The following RNF213 variants were observed in gnomAD, a reference collection of about 807,000 sequenced individuals.
The protein encoded by RNF213 is ring finger protein 213.
A neutral mutation model predicts 514.4 loss-of-function variants in RNF213; 341 were observed. That is an observed-to-expected ratio of 0.66 (90% CI 0.61 to 0.73). The LOEUF (loss-of-function observed/expected upper bound fraction) is 0.73, where lower values mean the gene tolerates loss of function less well. Among genes scored for constraint, RNF213 ranks in the 30% least tolerant of loss-of-function variants. The pLI is 0.00. For missense variants in RNF213, 5,767 were observed against 6,615.6 expected, an observed-to-expected ratio of 0.87 and a Z score of 4.45; for synonymous variants, 2,655 against 2,658.2, an observed-to-expected ratio of 1.00 and a Z score of 0.04.
intron 58 of RNF213, among the ~76,000 whole-genome samples, chr17:80,383,312 G>C (rs188772617): frequency 2.0e-5 from 3 of 152,328 alleles, no homozygotes; most frequent in Admixed American, 2.0e-4. Context: ...TCCAGCAAGT[G>C]CAGGCAGTGT....
chr17:80,308,346 A>G (rs1195182291), intron 13 of RNF213, among the ~76,000 whole-genome samples: 1 of 151,446 alleles, frequency 6.6e-6, no homozygotes, highest in Non-Finnish European at 1.5e-5. Flanking sequence ...CCGCCTTCCC[A>G]GTCCCCTCCA....
chr17:80,292,068 A>G, intron 8 of RNF213: 1 of 585,712 alleles, frequency 1.7e-6, no homozygotes, highest in Admixed American at 2.9e-5. Flanking sequence ...ACTCACTTGC[A>G]GGAGGAAACA....
rs754185720 is a variant in RNF213, at chr17:80,363,287, G to C, written c.11541G>C (p.Trp3847Cys). Residue 3847 changes from tryptophan to cysteine, a missense_variant, in exon 40 of 68, where the codon TGG becomes TGC. Around this residue, in one of 13 missense-constraint regions of RNF213, gnomAD observed 355 missense variants for 358.0 expected, o/e 0.99. Coordinates refer to ENST00000582970, the MANE Select transcript of RNF213 (RefSeq NM_001256071.3). ...QVLHSLMEAR[W>C]NHELAGCEMT... ...TCCACAGCCTGATGGAAGCCCGTTGGAACCATGAGCTGGCTGGATGTGAGA... is the reference window on the plus strand; with the variant it reads ...TCCACAGCCTGATGGAAGCCCGTTGCAACCATGAGCTGGCTGGATGTGAGA... 9.3e-6 allele frequency: 15 copies of C among 1,613,936 alleles called. No homozygotes were observed. The Admixed American group carries it at 2.5e-4, about 27-fold the overall frequency.
rs1337491430 is a variant in RNF213, at chr17:80,264,190, C to T, written c.97+412C>T. On this transcript the variant is annotated intron_variant, in intron 2 of 67. Transcript: ENST00000582970. This position sits in a 1 kb window ranked among gnomAD's most constrained non-coding sequence, Gnocchi z 5.0. ...TAGAGAGAGCTCACGGTTTTTCTTCCCCTTGGGAATGAGAAGTGTCGGGCT... is the reference window on the plus strand; with the variant it reads ...TAGAGAGAGCTCACGGTTTTTCTTCTCCTTGGGAATGAGAAGTGTCGGGCT... 6.6e-6 allele frequency among the ~76,000 whole-genome samples: 1 copy of T among 152,104 alleles called. No homozygotes were observed. Among genetic ancestry groups the T allele is most frequent in the East Asian group, 1.9e-4 (1 of 5,182 alleles).
In RNF213 at chr17:80,395,061, G is replaced by T. The variant is rs1024836805; in HGVS notation, c.*1563G>T. On this transcript the variant is annotated 3_prime_UTR_variant, in exon 68 of 68. Transcript: ENST00000582970. ...ACTCACTGGCCACACCTCAGCAGGG[G>T]GGGAGTCGAGTGTCAGTCTCTTTCT... The T allele has an allele frequency of 6.6e-6, 1 of 152,158 alleles. No individual in the cohort carries two copies. The highest frequency in any genetic ancestry group is 2.4e-5 in the African/African-American group (1 of 41,426). The allele number at this position is 152,158 out of a possible 1,614,324, so 9.4% of individuals were successfully genotyped here. A position where few individuals can be genotyped will look rare whatever the true frequency, so the allele number is the denominator to read the frequency against.
intron 17 of RNF213, among the ~76,000 whole-genome samples, chr17:80,323,263 G>A (rs1599023549): frequency 1.3e-5 from 2 of 152,328 alleles, no homozygotes; most frequent in South Asian, 4.1e-4. Flanking sequence ...CCTTGTGTCA[G>A]TACCACACTG....
chr17:80,362,034 G>A (rs2144377773), intron 39 of RNF213, 146 bp downstream of exon 39: 2 of 912,106 alleles, frequency 2.2e-6, no homozygotes, highest in East Asian at 2.9e-5. Context: ...GTGCCGGTGG[G>A]TGAAGGGGTC....
At position 80,381,380 on chromosome 17, in the gene RNF213, G is replaced by A. The variant is rs566713769; in HGVS notation, c.13798-167G>A. 368 of 742,536 alleles carry A rather than the reference G, an allele frequency of 5.0e-4. 1 individual carries two copies. In the African/African-American group the frequency reaches 5.5e-3, roughly 11 times the overall value. The allele number at this position is 742,536 out of a possible 1,614,324, so 46.0% of individuals were successfully genotyped here. On this transcript the variant is annotated intron_variant, in intron 56 of 67. Coordinates refer to ENST00000582970, the MANE Select transcript of RNF213 (RefSeq NM_001256071.3). The stretch of plus-strand genomic sequence containing the variant: ...TGTAACAACAGAAAAGCCAGCAGCC[G>A]TTCCGCTTGCTAGCCTTCCTTTCAC...
intron 28 of RNF213, 135 bp from the exon 29 acceptor site, chr17:80,344,543 A>G (rs1286736520): frequency 1.4e-5 from 14 of 972,490 alleles, no homozygotes; most frequent in Middle Eastern, 2.6e-4. Context: ...AAAAAAGACT[A>G]TACAGAAAGC....
In RNF213 at chr17:80,288,382, A is replaced by G. The variant is rs772250172; in HGVS notation, c.810+19A>G. ...CTCTATGGTGAGTCATCCGGGAGAG[A>G]TGGCCTGGGAGTGGCACTGAGCCCT... On this transcript the variant is annotated intron_variant, in intron 4 of 67. Transcript: ENST00000582970. The surrounding 1 kb of genome is among the most constrained non-coding windows in gnomAD (Gnocchi z 4.9). 1.2e-6 allele frequency: 2 copies of G among 1,610,618 alleles called. No individual in the cohort carries two copies. The highest frequency in any genetic ancestry group is 4.5e-5 in the East Asian group (2 of 44,830).
chr17:80,384,328 A>G (rs1456659233), intron 59 of RNF213, among the ~76,000 whole-genome samples: 5 of 152,214 alleles, frequency 3.3e-5, no homozygotes, highest in African/African-American at 4.8e-5. Context: ...ATCGAGGCGT[A>G]CGTGGAAGAC....
chr17:80,334,666 G>A (rs1021802445), intron 22 of RNF213, among the ~76,000 whole-genome samples: 9 of 150,600 alleles, frequency 6.0e-5, no homozygotes, highest in African/African-American at 1.5e-4. Context: ...TCGCTCTGTC[G>A]CCCAGGCTGG....
chr17:80,319,293 C>A lies in RNF213; in HGVS notation c.3005C>A (p.Ala1002Asp). 1 of 1,614,174 alleles carries A rather than the reference C, an allele frequency of 6.2e-7. No individual in the cohort carries two copies. The highest frequency in any genetic ancestry group is 2.2e-5 in the East Asian group (1 of 44,888). ...ACCTTCGAGAAATGCATCATTGAAG[C>A]CGTGAGCTCAGCCTGCCAGGTGAAC... ...AKTFEKCIIE[A>D]VSSACQSQTS... Residue 1002 changes from alanine (A) to aspartate (D), a missense_variant, in exon 17 of 68, where the codon GCC becomes GAC. Around this residue, in one of 13 missense-constraint regions of RNF213, gnomAD observed 516 missense variants for 566.5 expected, o/e 0.91. Transcript: ENST00000582970.
intron 44 of RNF213, 133 bp downstream of exon 44, chr17:80,368,276 G>C (rs2079361356): frequency 2.2e-6 from 2 of 929,366 alleles, no homozygotes; most frequent in Admixed American, 1.8e-5. Flanking sequence ...TATCATAAGA[G>C]ACGCCACTTA....
At chr17:80,293,752 G>A (rs760777735) in intron 8 of RNF213, among the ~76,000 whole-genome samples, 2 of 152,074 alleles carry the variant, frequency 1.3e-5, no homozygotes, top group Admixed American at 6.5e-5. Context: ...GCGTGAACCC[G>A]GGAGGCGGAG....
At position 80,305,184 on chromosome 17, in the gene RNF213, C is replaced by CTTTTTTTTTT. The variant is rs71163950; in HGVS notation, c.2211-1064_2211-1055dup. On this transcript the variant is annotated intron_variant, in intron 11 of 67. Coordinates refer to ENST00000582970, the MANE Select transcript of RNF213 (RefSeq NM_001256071.3). ...ATGAGCCACTGCACCCAGCAGTGAA[C>CTTTTTTTTTT]TTTTTTTTTTTTTGAGACAGTTTTG... is the stretch of plus-strand genomic sequence containing the variant. Among the ~76,000 whole-genome samples, 620 of 127,408 alleles carry CTTTTTTTTTT rather than the reference C, an allele frequency of 4.9e-3. 23 individuals are homozygous for CTTTTTTTTTT. Among genetic ancestry groups the CTTTTTTTTTT allele is most frequent in the African/African-American group, 0.019 (541 of 28,716 alleles). The allele number at this position is 127,408 out of a possible 152,430, so 83.6% of individuals were successfully genotyped here. A position where few individuals can be genotyped will look rare whatever the true frequency, so the allele number is the denominator to read the frequency against.
In RNF213 at chr17:80,385,598, TGAG is replaced by T. The variant is rs1358462550; in HGVS notation, c.14520_14522del (p.Arg4841del). ...GTCTTTCTGTCCACATGGAACAAACTGAGGAGATCGCTTGAGACGAACGGTTAG... is the reference window on the plus strand; with the variant it reads ...GTCTTTCTGTCCACATGGAACAAACTGAGATCGCTTGAGACGAACGGTTAG... On this transcript the variant is annotated inframe_deletion, in exon 61 of 68. Coordinates refer to ENST00000582970, the MANE Select transcript of RNF213 (RefSeq NM_001256071.3). 5.6e-6 allele frequency: 9 copies of T among 1,614,016 alleles called. No individual in the cohort carries two copies. The highest frequency in any genetic ancestry group is 1.3e-5 in the African/African-American group (1 of 74,930).
chr17:80,377,217 G>C lies in RNF213; in HGVS notation c.13510+254G>C. ...CTCTGTGATGCACTTCTGTTCTCTG[G>C]AATATGCCATTTTGGGAGAAGGGAG... On this transcript the variant is annotated intron_variant, in intron 53 of 67. Coordinates refer to ENST00000582970, the MANE Select transcript of RNF213 (RefSeq NM_001256071.3). This position sits in a 1 kb window ranked among gnomAD's most constrained non-coding sequence, Gnocchi z 4.1. 1.9e-6 allele frequency: 1 copy of C among 514,610 alleles called. No homozygotes were observed. Among genetic ancestry groups the C allele is most frequent in the Non-Finnish European group, 3.5e-6 (1 of 283,724 alleles). The allele number at this position is 514,610 out of a possible 1,614,324, so 31.9% of individuals were successfully genotyped here. A position where few individuals can be genotyped will look rare whatever the true frequency, so the allele number is the denominator to read the frequency against.
rs1227989026 is a variant in RNF213 at position 80,339,728 on chromosome 17, GTGCCTTCC to G, written c.5374_5381del (p.Phe1792ArgfsTer67). The G allele has an allele frequency of 7.2e-6, 11 of 1,537,152 alleles. No homozygotes were observed. Among genetic ancestry groups the G allele is most frequent in the South Asian group, 2.4e-5 (2 of 84,054 alleles). On this transcript the variant is annotated frameshift_variant, in exon 26 of 68. Transcript: ENST00000582970. LOFTEE classifies it high-confidence loss of function. ...GGATCATCATGGAGCAGTCCATGAG[GTGCCTTCC>G]TGCCTTCCTGCCCGACTGCCTCGAC...
Sources: gnomAD v4.1 joint callset for allele counts (sites outside exome capture counted in the v4.1 genomes callset) on GRCh38, gnomAD v4.1.1 for gene constraint, gnomAD v4.1.1 regional missense constraint, Gnocchi (gnomAD v3.1) non-coding constraint, MANE v1.5 for transcripts, NCBI Gene and HGNC (gene_info 2026-07-23, HGNC 2026-07-21) for gene names.